Variants in ADARB2 observed in about 807,000 individuals in gnomAD.
The protein encoded by ADARB2 is inactive double-stranded RNA-specific editase B2.
ADARB2 carries 25 observed loss-of-function variants against 62.2 expected under a neutral mutation model. The observed-to-expected ratio is 0.40, with a 90% CI of 0.29 to 0.56. The LOEUF (loss-of-function observed/expected upper bound fraction) is 0.56. Among genes scored for constraint, ADARB2 ranks in the 20% least tolerant of loss-of-function variants. The pLI is 0.43. For missense variants in ADARB2, 1,071 were observed against 1,077.4 expected (o/e 0.99, Z 0.08); for synonymous variants, 572 against 500.8 (o/e 1.14, Z -1.90).
intron 6 of ADARB2, among the ~76,000 whole-genome samples, chr10:1,222,821 T>A (rs1455687383): frequency 6.7e-6 from 1 of 150,034 alleles, no homozygotes; most frequent in Non-Finnish European, 1.5e-5. Context: ...TACTGTAGCC[T>A]TGTAGTATAG....
At chr10:1,350,243 T>G (rs953816382) in intron 3 of ADARB2, among the ~76,000 whole-genome samples, 8 of 152,176 alleles carry the variant, frequency 5.3e-5, no homozygotes, top group African/African-American at 1.9e-4. Flanking sequence ...CTTTCTTTCA[T>G]ACATCCCTAG....
intron 3 of ADARB2, among the ~76,000 whole-genome samples, chr10:1,327,709 G>A (rs1247451408): frequency 1.8e-5 from 1 of 56,094 alleles, no homozygotes; most frequent in Non-Finnish European, 3.9e-5. Flanking sequence ...ACAGTTTAGT[G>A]CCTACCCACA....
intron 1 of ADARB2, among the ~76,000 whole-genome samples, chr10:1,683,873 G>C (rs973352603): frequency 6.6e-6 from 1 of 152,222 alleles, no homozygotes; most frequent in African/African-American, 2.4e-5. Flanking sequence ...GTGAGGGGTG[G>C]ACTCTGTAAA....
At chr10:1,227,447 G>A (rs945307201) in intron 6 of ADARB2, among the ~76,000 whole-genome samples, 5 of 152,224 alleles carry the variant, frequency 3.3e-5, no homozygotes, top group Non-Finnish European at 5.9e-5. Flanking sequence ...CCAGTGAGAT[G>A]AACCCGGTAC....
rs1454315878 is a variant in ADARB2 at position 1,696,402 on chromosome 10, CAT to C, written c.100+40647_100+40648del. Among the ~76,000 whole-genome samples the C allele has an allele frequency of 2.6e-5, 4 of 151,966 alleles. No individual in the cohort carries two copies. In the East Asian group the frequency reaches 5.8e-4, roughly 22 times the overall value. Reference sequence around the variant, plus strand: ...GACAGATTTTATATGGAAATACACACATATTTATGTCTTTTAAAATGGTGGAA... The same window carrying C: ...GACAGATTTTATATGGAAATACACACATTTATGTCTTTTAAAATGGTGGAA... On this transcript the variant is annotated intron_variant, in intron 1 of 9. Coordinates refer to ENST00000381312, the MANE Select transcript of ADARB2 (RefSeq NM_018702.4).
At chr10:1,393,674 G>A (rs1832588583) in intron 1 of ADARB2, among the ~76,000 whole-genome samples, 1 of 152,152 alleles carries the variant, frequency 6.6e-6, no homozygotes, top group South Asian at 2.1e-4. Context: ...CAGGCCACGC[G>A]TTATGCACCA....
chr10:1,437,269 C>T (rs900307089), intron 1 of ADARB2, among the ~76,000 whole-genome samples: 12 of 151,928 alleles, frequency 7.9e-5, no homozygotes, highest in African/African-American at 2.9e-4. Context: ...CACACACATG[C>T]ACATATATAT....
intron 4 of ADARB2, among the ~76,000 whole-genome samples, chr10:1,247,839 C>A (rs1480881368): frequency 6.6e-6 from 1 of 152,160 alleles, no homozygotes; most frequent in Non-Finnish European, 1.5e-5. Context: ...ATGGGCATCA[C>A]CCTCCAGGTA....
At chr10:1,309,762 G>T (rs1236843623) in intron 3 of ADARB2, among the ~76,000 whole-genome samples, 1 of 152,156 alleles carries the variant, frequency 6.6e-6, no homozygotes, top group African/African-American at 2.4e-5. Context: ...GGGAGGGAGG[G>T]GCTCTCTGGG....
chr10:1,254,309 A>G (rs1481711732), intron 4 of ADARB2, among the ~76,000 whole-genome samples: 1 of 152,208 alleles, frequency 6.6e-6, no homozygotes, highest in African/African-American at 2.4e-5. Flanking sequence ...GGGTGACATC[A>G]CCAGAACCGT....
At chr10:1,722,938 T>C (rs1482614536) in intron 1 of ADARB2, among the ~76,000 whole-genome samples, 6 of 152,194 alleles carry the variant, frequency 3.9e-5, no homozygotes, top group Admixed American at 1.3e-4. Flanking sequence ...TATACATGTG[T>C]ACACACACAC....
intron 1 of ADARB2, among the ~76,000 whole-genome samples, chr10:1,624,903 A>G (rs1248839581): frequency 6.6e-6 from 1 of 152,238 alleles, no homozygotes; most frequent in East Asian, 1.9e-4. Flanking sequence ...GTTAAATTAC[A>G]GATGATGTTA....
chr10:1,495,755 ATCAT>A (rs1016552323), intron 1 of ADARB2, among the ~76,000 whole-genome samples: 1 of 148,580 alleles, frequency 6.7e-6, no homozygotes, highest in Non-Finnish European at 1.5e-5. Flanking sequence ...CATCATCATC[ATCAT>A]TATCATTGTT....
chr10:1,369,303 T>C (rs1832343923), intron 2 of ADARB2, among the ~76,000 whole-genome samples: 1 of 152,142 alleles, frequency 6.6e-6, no homozygotes. Flanking sequence ...TGGAAAGCTA[T>C]TGTTGACGCA....
At chr10:1,702,359 G>T (rs565637315) in intron 1 of ADARB2, among the ~76,000 whole-genome samples, 1 of 152,128 alleles carries the variant, frequency 6.6e-6, no homozygotes. Flanking sequence ...TTTTAGAGAC[G>T]ACCCTCAAAC....
chr10:1,699,609 C>T (rs1408647743), intron 1 of ADARB2, among the ~76,000 whole-genome samples: 2 of 138,938 alleles, frequency 1.4e-5, no homozygotes, highest in Admixed American at 7.0e-5. Context: ...GGAGACCAGG[C>T]GCTCGCCAAT....
chr10:1,191,749 A>G (rs886376049), intron 8 of ADARB2, among the ~76,000 whole-genome samples: 2 of 152,208 alleles, frequency 1.3e-5, no homozygotes, highest in African/African-American at 4.8e-5. Flanking sequence ...AGCCTTTGAC[A>G]TGAATATTCT....
rs1831147738 is a variant in ADARB2, at chr10:1,459,940, GCGTTACGAACC to G, written c.101-80791_101-80781del. Among the ~76,000 whole-genome samples, 19 of 139,516 alleles carry G rather than the reference GCGTTACGAACC, an allele frequency of 1.4e-4. No homozygotes were observed. The South Asian group carries it at 4.2e-3, about 31-fold the overall frequency. The allele number at this position is 139,516 out of a possible 152,430, so 91.5% of individuals were successfully genotyped here. A position where few individuals can be genotyped will look rare whatever the true frequency, so the allele number is the denominator to read the frequency against. On this transcript the variant is annotated intron_variant, in intron 1 of 9. Coordinates refer to ENST00000381312, the MANE Select transcript of ADARB2 (RefSeq NM_018702.4). ...ACCTGCCTGTGACCTGAGTTTACCT[GCGTTACGAACC>G]TGCCTGTGACCTGAGTTTACCTGTG... is the stretch of plus-strand genomic sequence containing the variant.
intron 2 of ADARB2, among the ~76,000 whole-genome samples, chr10:1,377,705 G>A (rs1182717704): frequency 1.3e-5 from 2 of 152,028 alleles, no homozygotes; most frequent in African/African-American, 4.8e-5. Context: ...GCTAGAGAGG[G>A]AGCACAGAGT....
Sources: allele counts gnomAD v4.1 joint callset (sites outside exome capture counted in the v4.1 genomes callset), GRCh38; gene constraint gnomAD v4.1.1; transcripts MANE v1.5; gene names NCBI Gene and HGNC (gene_info 2026-07-23, HGNC 2026-07-21).